The following TNFSF4 variants were observed in gnomAD, a reference collection of about 807,000 sequenced individuals.
TNFSF4 encodes tumor necrosis factor ligand superfamily member 4.
In TNFSF4, 4 loss-of-function variants were observed where a neutral mutation model predicts 7.3. The ratio of observed to expected loss-of-function variants is 0.55; its 90% CI spans 0.27 to 1.25. The LOEUF is 1.25. TNFSF4 is among the 50% of genes most tolerant of loss of function. TNFSF4 has a pLI of 0.12. For synonymous variants in TNFSF4, 76 were observed against 83.7 expected, an observed-to-expected ratio of 0.91 and a Z score of 0.50; for missense variants, 181 against 208.8, an observed-to-expected ratio of 0.87 and a Z score of 0.82.
At chr1:173,398,390 C>A in the TNFSF4 span, among the ~76,000 whole-genome samples, 1 of 150,124 alleles carries the variant, frequency 6.7e-6, no homozygotes, top group African/African-American at 2.5e-5. Flanking sequence ...GGGCCTTCTA[C>A]CTCAGTGATA....
At chr1:173,294,353 C>A in the TNFSF4 span, among the ~76,000 whole-genome samples, 1 of 151,958 alleles carries the variant, frequency 6.6e-6, no homozygotes. Context: ...AGCGCAGGAA[C>A]AGAAAACCAA....
the TNFSF4 span, among the ~76,000 whole-genome samples, chr1:173,388,380 T>C: frequency 5.3e-5 from 8 of 152,246 alleles, no homozygotes; most frequent in Non-Finnish European, 5.9e-5. Flanking sequence ...CAGTGGCCCA[T>C]GCACAAGGTA....
chr1:173,224,554 T>A, the TNFSF4 span, among the ~76,000 whole-genome samples: 89 of 152,224 alleles, frequency 5.8e-4, no homozygotes, highest in Non-Finnish European at 5.9e-4. Flanking sequence ...AAACTCTTGC[T>A]GAGCACTGCA....
chr1:173,382,480 G>C, the TNFSF4 span, among the ~76,000 whole-genome samples: 1 of 152,150 alleles, frequency 6.6e-6, no homozygotes, highest in East Asian at 1.9e-4. Flanking sequence ...GTAGATGACG[G>C]GTTGATGAGT....
At chr1:173,308,498 G>T in the TNFSF4 span, among the ~76,000 whole-genome samples, 1 of 151,544 alleles carries the variant, frequency 6.6e-6, no homozygotes, top group Non-Finnish European at 1.5e-5. Context: ...TGGAGACACA[G>T]CACTACTTCT....
At chr1:173,385,276 C>T in the TNFSF4 span, among the ~76,000 whole-genome samples, 112 of 152,234 alleles carry the variant, frequency 7.4e-4, no homozygotes, top group Non-Finnish European at 1.2e-3. Flanking sequence ...CTCCAAACAC[C>T]GGTGAATTGT....
chr1:173,311,693 C>T, the TNFSF4 span, among the ~76,000 whole-genome samples: 1 of 152,028 alleles, frequency 6.6e-6, no homozygotes, highest in South Asian at 2.1e-4. Flanking sequence ...ATACAAGAGT[C>T]AACCAGGTAG....
At chr1:173,409,509 GAA>G in the TNFSF4 span, among the ~76,000 whole-genome samples, 9 of 151,430 alleles carry the variant, frequency 5.9e-5, no homozygotes, top group Admixed American at 2.6e-4. Flanking sequence ...CAACAGTTCA[GAA>G]AAAAAAGTCA....
the TNFSF4 span, among the ~76,000 whole-genome samples, chr1:173,359,535 A>AC: frequency 3.5e-5 from 4 of 113,694 alleles, no homozygotes; most frequent in African/African-American, 9.8e-5. Context: ...AAAAAAAAAA[A>AC]AAAAAACTAC....
chr1:173,319,241 G>T, the TNFSF4 span, among the ~76,000 whole-genome samples: 2 of 152,126 alleles, frequency 1.3e-5, no homozygotes. Context: ...GGACTGGGCC[G>T]AATTCACCAC....
chr1:173,312,724 G>A, the TNFSF4 span, among the ~76,000 whole-genome samples: 1 of 152,088 alleles, frequency 6.6e-6, no homozygotes, highest in East Asian at 1.9e-4. Flanking sequence ...TGGAGAAGAA[G>A]AGACCAGAGT....
chr1:173,321,497 G>T, the TNFSF4 span, among the ~76,000 whole-genome samples: 1 of 152,008 alleles, frequency 6.6e-6, no homozygotes, highest in Admixed American at 6.6e-5. Flanking sequence ...TTAAACTAAA[G>T]AGCTTCTGTA....
the TNFSF4 span, among the ~76,000 whole-genome samples, chr1:173,215,666 C>T: frequency 6.6e-6 from 1 of 152,170 alleles, no homozygotes; most frequent in Non-Finnish European, 1.5e-5. Context: ...GTTTCACTGA[C>T]ATATGTTGCA....
At chr1:173,377,949 T>C in the TNFSF4 span, among the ~76,000 whole-genome samples, 1 of 152,182 alleles carries the variant, frequency 6.6e-6, no homozygotes, top group Non-Finnish European at 1.5e-5. Context: ...TAGGACATGG[T>C]TAAAGTCCCA....
At chr1:173,401,631 A>C in the TNFSF4 span, among the ~76,000 whole-genome samples, 4 of 152,286 alleles carry the variant, frequency 2.6e-5, no homozygotes, top group African/African-American at 9.6e-5. Flanking sequence ...CTTAGGCCTC[A>C]AGACTCAGAC....
chr1:173,295,793 TC>T, the TNFSF4 span, among the ~76,000 whole-genome samples: 1 of 152,030 alleles, frequency 6.6e-6, no homozygotes, highest in African/African-American at 2.4e-5. Context: ...CATAAACTTT[TC>T]TTAAAGCATC....
the TNFSF4 span, among the ~76,000 whole-genome samples, chr1:173,442,554 T>TTC: frequency 7.0e-6 from 1 of 142,846 alleles, no homozygotes; most frequent in East Asian, 2.0e-4. Flanking sequence ...TGTTTTTGTT[T>TTC]TTTTTTTTTT....
the TNFSF4 span, among the ~76,000 whole-genome samples, chr1:173,447,664 C>G: frequency 2.7e-5 from 4 of 148,876 alleles, no homozygotes; most frequent in Non-Finnish European, 6.0e-5. Context: ...CAGCAAAATA[C>G]AGAAAAAAGA....
chr1:173,361,620 T>C, the TNFSF4 span, among the ~76,000 whole-genome samples: 2 of 152,030 alleles, frequency 1.3e-5, no homozygotes, highest in African/African-American at 4.8e-5. Flanking sequence ...AATGCATAGG[T>C]AACACTTTCT....
Sources: allele counts gnomAD v4.1 joint callset (sites outside exome capture counted in the v4.1 genomes callset), GRCh38; gene constraint gnomAD v4.1.1; transcripts MANE v1.5; gene names NCBI Gene and HGNC (gene_info 2026-07-23, HGNC 2026-07-21).